IGFL2: variants seen among roughly 807,000 people sequenced by gnomAD.
IGFL2 encodes the protein IGF like family member 2.
In IGFL2, 7 loss-of-function variants were observed where a neutral mutation model predicts 13.9. The observed-to-expected ratio is 0.51, with a 90% CI of 0.29 to 0.95. The LOEUF (loss-of-function observed/expected upper bound fraction) is 0.95. Among genes scored for constraint, IGFL2 ranks in the 40% least tolerant of loss-of-function variants. IGFL2 has a pLI of 0.08. For missense variants in IGFL2, 138 were observed against 147.8 expected, an observed-to-expected ratio of 0.93 and a Z score of 0.34; for synonymous variants, 55 against 55.8, an observed-to-expected ratio of 0.99 and a Z score of 0.07.
At chr19:46,140,630 A>G (rs1972819640), upstream of IGFL2, among the ~76,000 whole-genome samples, 1 of 152,226 alleles carries the variant, frequency 6.6e-6, no homozygotes, top group South Asian at 2.1e-4. Context: ...CAACTCTTAG[A>G]TAAGTGGGAT....
At chr19:46,185,030 G>A in the IGFL2 span, among the ~76,000 whole-genome samples, 1 of 152,138 alleles carries the variant, frequency 6.6e-6, no homozygotes, top group Non-Finnish European at 1.5e-5. Context: ...GTGTCTGTTG[G>A]CTGCATAAAT....
At chr19:46,081,621 G>A in the IGFL2 span, among the ~76,000 whole-genome samples, 1 of 152,158 alleles carries the variant, frequency 6.6e-6, no homozygotes. Flanking sequence ...CTGTGTATAT[G>A]CAGCCTAGCC....
the IGFL2 span, among the ~76,000 whole-genome samples, chr19:46,107,913 T>G: frequency 1.3e-5 from 2 of 152,290 alleles, no homozygotes; most frequent in South Asian, 4.1e-4. Flanking sequence ...AAATGCTAAC[T>G]GATTTGGGAA....
the IGFL2 span, among the ~76,000 whole-genome samples, chr19:46,172,441 G>T: frequency 1.5e-3 from 226 of 152,322 alleles, 1 homozygote; most frequent in African/African-American, 4.8e-3. Context: ...ATCACAGCCA[G>T]TTGAGGTGTT....
chr19:46,167,504 G>C, the IGFL2 span, among the ~76,000 whole-genome samples: 1 of 152,236 alleles, frequency 6.6e-6, no homozygotes, highest in Non-Finnish European at 1.5e-5. Context: ...CCCAGCAAGC[G>C]TGCCACCCAG....
At chr19:46,136,319 A>G in the IGFL2 span, among the ~76,000 whole-genome samples, 1 of 152,082 alleles carries the variant, frequency 6.6e-6, no homozygotes, top group South Asian at 2.1e-4. Flanking sequence ...AAAACTCATC[A>G]ATTAACTAGA....
chr19:46,184,299 TG>T, the IGFL2 span, among the ~76,000 whole-genome samples: 3 of 152,166 alleles, frequency 2.0e-5, no homozygotes, highest in African/African-American at 4.8e-5. Context: ...CTTTAAGTTC[TG>T]AGGTACATGT....
the IGFL2 span, among the ~76,000 whole-genome samples, chr19:46,215,202 AGT>A: frequency 1.5e-3 from 228 of 152,332 alleles, no homozygotes; most frequent in African/African-American, 5.3e-3. Context: ...TTATTATAAA[AGT>A]GTAATTATGG....
At chr19:46,214,459 G>A in the IGFL2 span, 11 of 152,256 alleles carry the variant, frequency 7.2e-5, no homozygotes, top group African/African-American at 1.4e-4. Context: ...CCACCAGAGG[G>A]AATGAACCAG....
the IGFL2 span, among the ~76,000 whole-genome samples, chr19:46,106,580 G>C: frequency 1.3e-5 from 2 of 152,092 alleles, no homozygotes; most frequent in Non-Finnish European, 2.9e-5. Flanking sequence ...AGGTATTGAG[G>C]ATAGGAGAGT....
At chr19:46,093,784 G>C in the IGFL2 span, among the ~76,000 whole-genome samples, 1 of 151,794 alleles carries the variant, frequency 6.6e-6, no homozygotes, top group African/African-American at 2.4e-5. Flanking sequence ...ATTGTTCACT[G>C]TCTGTCTGTT....
chr19:46,127,521 T>C, the IGFL2 span, among the ~76,000 whole-genome samples: 1 of 152,300 alleles, frequency 6.6e-6, no homozygotes, highest in Non-Finnish European at 1.5e-5. Flanking sequence ...TTCAACATAA[T>C]TTAGGTCCCG....
chr19:46,200,293 G>C, the IGFL2 span, among the ~76,000 whole-genome samples: 1 of 151,982 alleles, frequency 6.6e-6, no homozygotes, highest in Non-Finnish European at 1.5e-5. Flanking sequence ...CTCAGCCCCT[G>C]AGTAGCTGGG....
At chr19:46,140,929 G>T (rs1394854999), upstream of IGFL2, among the ~76,000 whole-genome samples, 1 of 152,122 alleles carries the variant, frequency 6.6e-6, no homozygotes, top group Non-Finnish European at 1.5e-5. Context: ...TCTCCTTCAT[G>T]GTCTGGCATG....
chr19:46,169,996 G>C, the IGFL2 span, among the ~76,000 whole-genome samples: 1 of 152,018 alleles, frequency 6.6e-6, no homozygotes, highest in Non-Finnish European at 1.5e-5. Context: ...ATTGATCTCA[G>C]ATTTTCTGCC....
the IGFL2 span, among the ~76,000 whole-genome samples, chr19:46,176,009 A>ATTTTTTT: frequency 2.1e-4 from 15 of 71,902 alleles, no homozygotes; most frequent in East Asian, 3.4e-4. Context: ...CGCCCGACTA[A>ATTTTTTT]TTTTTTTTTT....
the IGFL2 span, chr19:46,181,468 G>A: frequency 1.3e-5 from 2 of 152,314 alleles, no homozygotes; most frequent in South Asian, 2.1e-4. Flanking sequence ...ATAACAGGGG[G>A]TTGCAAGATT....
the IGFL2 span, among the ~76,000 whole-genome samples, chr19:46,199,537 T>A: frequency 6.6e-6 from 1 of 152,090 alleles, no homozygotes; most frequent in African/African-American, 2.4e-5. Flanking sequence ...CTGGCCACCC[T>A]CCCCGCTTCC....
At chr19:46,198,236 A>G in the IGFL2 span, 1 of 151,622 alleles carries the variant, frequency 6.6e-6, no homozygotes, top group Non-Finnish European at 1.5e-5. Context: ...CAGCCTCCCA[A>G]GTAGTTGGGA....
Sources: allele counts gnomAD v4.1 joint callset (sites outside exome capture counted in the v4.1 genomes callset), GRCh38; gene constraint gnomAD v4.1.1; transcripts MANE v1.5; gene names NCBI Gene and HGNC (gene_info 2026-07-23, HGNC 2026-07-21).